Variants in LRP5 observed in about 807,000 individuals in gnomAD.
The protein encoded by LRP5 is LDL receptor related protein 5.
In LRP5, 62 loss-of-function variants were observed where a neutral mutation model predicts 154.1. The ratio of observed to expected loss-of-function variants is 0.40; its 90% CI spans 0.33 to 0.50. The LOEUF (loss-of-function observed/expected upper bound fraction) is 0.50, where lower values mean the gene tolerates loss of function less well. LRP5 is among the 20% of genes least tolerant of loss of function. The pLI, the probability that LRP5 is intolerant of heterozygous loss-of-function variation, is 0.55. For synonymous variants in LRP5, 966 were observed against 1,011.5 expected, an observed-to-expected ratio of 0.96 and a Z score of 0.85; for missense variants, 1,915 against 2,336.7, an observed-to-expected ratio of 0.82 and a Z score of 3.72.
At chr11:68,431,317 G>A (rs1247020403) in intron 17 of LRP5, among the ~76,000 whole-genome samples, 1 of 139,516 alleles carries the variant, frequency 7.2e-6, no homozygotes, top group African/African-American at 2.7e-5. Context: ...TTGGCTCACT[G>A]CAACCTCTAC....
rs573160002 is a variant in LRP5 at position 68,370,625 on chromosome 11, T to C, written c.1015+4923T>C. On this transcript the variant is annotated intron_variant, in intron 5 of 22. Coordinates refer to ENST00000294304, the MANE Select transcript of LRP5 (RefSeq NM_002335.4). The stretch of plus-strand genomic sequence containing the variant: ...CAGGGCTGAGCACGCAGCTCCACGC[T>C]CCCTAGAGACTCAGCCGTCAGGGGT... 9.4e-4 allele frequency among the ~76,000 whole-genome samples: 143 copies of C among 152,300 alleles called. No homozygotes were observed. In the Middle Eastern group the frequency reaches 0.021, roughly 22 times the overall value.
intron 1 of LRP5, among the ~76,000 whole-genome samples, chr11:68,330,480 T>A (rs887873968): frequency 2.0e-5 from 3 of 152,072 alleles, no homozygotes; most frequent in African/African-American, 7.2e-5. Flanking sequence ...GGATGTTCCC[T>A]CCTCTTGCTG....
At chr11:68,332,960 T>C (rs983146233) in intron 1 of LRP5, among the ~76,000 whole-genome samples, 2 of 152,180 alleles carry the variant, frequency 1.3e-5, no homozygotes, top group Admixed American at 1.3e-4. Context: ...ATGTGCTTGG[T>C]TAAAGGAAAC....
Position 68,406,818 on chromosome 11 carries a change from C to T in LRP5, c.2091+5C>T, listed in dbSNP as rs202064462. 4.7e-5 allele frequency: 76 copies of T among 1,613,500 alleles called. No homozygotes were observed. The African/African-American group carries it at 9.2e-4, about 20-fold the overall frequency. The stretch of plus-strand genomic sequence containing the variant: ...TGGACAGACGTCAGCCTGAAGGTAG[C>T]GTGGGCCAGAACGTGCACACAGGCA... On this transcript the variant is annotated splice_donor_5th_base_variant and intron_variant, in intron 9 of 22. Transcript: ENST00000294304.
chr11:68,410,845 G>A (rs1277333423), intron 10 of LRP5, among the ~76,000 whole-genome samples: 2 of 152,212 alleles, frequency 1.3e-5, no homozygotes, highest in Non-Finnish European at 2.9e-5. Flanking sequence ...CCTGTCGCCT[G>A]TTCTGCTAGG....
At chr11:68,313,950 G>A (rs2098590945) in intron 1 of LRP5, among the ~76,000 whole-genome samples, 1 of 152,190 alleles carries the variant, frequency 6.6e-6, no homozygotes, top group Non-Finnish European at 1.5e-5. Context: ...AACAGGAGGA[G>A]CTTGGAGTTT....
Position 68,353,493 on chromosome 11 carries a change from C to T in LRP5, c.489-4157C>T, listed in dbSNP as rs1466788888. ...CTGTCACAGCGCCCGCGGCAGCAACCCCTGCTCGCCAAATACTGACTTGAA... is the reference window on the plus strand; with the variant it reads ...CTGTCACAGCGCCCGCGGCAGCAACTCCTGCTCGCCAAATACTGACTTGAA... On this transcript the variant is annotated intron_variant, in intron 2 of 22. Coordinates refer to ENST00000294304, the MANE Select transcript of LRP5 (RefSeq NM_002335.4). The surrounding 1 kb of genome is among the most constrained non-coding windows in gnomAD (Gnocchi z 4.5). Among the ~76,000 whole-genome samples the T allele has an allele frequency of 6.6e-6, 1 of 152,182 alleles. No homozygotes were observed. The highest frequency in any genetic ancestry group is 1.5e-5 in the Non-Finnish European group (1 of 68,016).
intron 3 of LRP5, among the ~76,000 whole-genome samples, chr11:68,362,357 C>T (rs1434543679): frequency 8.5e-5 from 13 of 152,110 alleles, no homozygotes; most frequent in Admixed American, 7.9e-4. Context: ...CACCGCCTTG[C>T]GAATGCACTA....
chr11:68,305,507 A>G, the LRP5 span, among the ~76,000 whole-genome samples: 41 of 152,232 alleles, frequency 2.7e-4, 1 homozygote, highest in South Asian at 8.1e-3. Flanking sequence ...CAGTGGCACA[A>G]TCTTGGCTCA....
intron 2 of LRP5, 59 bp from the exon 3 acceptor site, chr11:68,357,591 A>G: frequency 6.7e-7 from 1 of 1,496,946 alleles, no homozygotes; most frequent in South Asian, 1.2e-5. Flanking sequence ...GCATCTATGC[A>G]GACAAAAACA....
intron 21 of LRP5, among the ~76,000 whole-genome samples, chr11:68,443,548 T>C (rs545705319): frequency 1.6e-4 from 4 of 25,626 alleles, no homozygotes; most frequent in African/African-American, 4.6e-4. Flanking sequence ...TTATGGCATA[T>C]ATATATATAT....
Position 68,411,522 on chromosome 11 carries a change from AG to A in LRP5, c.2407del (p.Val803TrpfsTer25). ...ACCAACTGCATGACGCTGGTGGACAAGGTGGGCCGGGCCAACGACCTCACCA... is the reference window on the plus strand; with the variant it reads ...ACCAACTGCATGACGCTGGTGGACAAGTGGGCCGGGCCAACGACCTCACCA... ...DGTNCMTLVD[K>X]VGRANDLTID... On this transcript the variant is annotated frameshift_variant, in exon 11 of 23. Transcript: ENST00000294304. LOFTEE classifies it high-confidence loss of function. 6.2e-7 allele frequency: 1 copy of A among 1,613,798 alleles called. No homozygotes were observed. Among genetic ancestry groups the A allele is most frequent in the Non-Finnish European group, 8.5e-7 (1 of 1,180,030 alleles).
At chr11:68,446,250 C>T (rs1378209129) in intron 21 of LRP5, among the ~76,000 whole-genome samples, 186 bp from the exon 22 acceptor site, 2 of 152,220 alleles carry the variant, frequency 1.3e-5, no homozygotes, top group African/African-American at 4.8e-5. Context: ...CTGAGATGAC[C>T]TTCGGGGCAG....
intron 8 of LRP5, among the ~76,000 whole-genome samples, chr11:68,404,946 C>T (rs2098654703): frequency 4.1e-5 from 6 of 145,588 alleles, no homozygotes; most frequent in Admixed American, 2.8e-4. Context: ...GTCCGCAGTC[C>T]GGCCTGGGCG....
chr11:68,378,876 C>T (rs2098638845), intron 5 of LRP5, among the ~76,000 whole-genome samples: 2 of 151,894 alleles, frequency 1.3e-5, no homozygotes, highest in African/African-American at 2.4e-5. Context: ...GGCGAAACTC[C>T]ATCTCTACTA....
At chr11:68,299,687 A>T in the LRP5 span, among the ~76,000 whole-genome samples, 1 of 149,082 alleles carries the variant, frequency 6.7e-6, no homozygotes, top group African/African-American at 2.5e-5. Flanking sequence ...GGTTCAAGCG[A>T]TTCTCCTGCC....
chr11:68,443,931 T>C (rs1378547112), intron 21 of LRP5, among the ~76,000 whole-genome samples: 1 of 151,586 alleles, frequency 6.6e-6, no homozygotes, highest in African/African-American at 2.4e-5. Flanking sequence ...AGTGCTGGGA[T>C]TACAGACGTG....
chr11:68,446,586 G>A lies in LRP5; in HGVS notation c.4586+53G>A, dbSNP rs575260996. ...GCCATTGGGTTCCCGCCAGCCCGTGGTGGAGGGGCCTAATCCCCATGCCAC... is the reference window on the plus strand; with the variant it reads ...GCCATTGGGTTCCCGCCAGCCCGTGATGGAGGGGCCTAATCCCCATGCCAC... On this transcript the variant is annotated intron_variant, in intron 22 of 22. Coordinates refer to ENST00000294304, the MANE Select transcript of LRP5 (RefSeq NM_002335.4). 4 of 1,463,934 alleles carry A rather than the reference G, an allele frequency of 2.7e-6. No homozygotes were observed. The East Asian group carries it at 6.8e-5, about 25-fold the overall frequency. The allele number at this position is 1,463,934 out of a possible 1,614,324, so 90.7% of individuals were successfully genotyped here. A position where few individuals can be genotyped will look rare whatever the true frequency, so the allele number is the denominator to read the frequency against.
chr11:68,365,270 T>C (rs374859056), intron 4 of LRP5, among the ~76,000 whole-genome samples: 3,233 of 7,550 alleles, frequency 0.43, 82 homozygotes, highest in Middle Eastern at 0.5. Flanking sequence ...AGGAAGCAGA[T>C]GGGGAGATGT....
Sources: gnomAD v4.1 joint callset for allele counts (sites outside exome capture counted in the v4.1 genomes callset) on GRCh38, gnomAD v4.1.1 for gene constraint, Gnocchi (gnomAD v3.1) non-coding constraint, MANE v1.5 for transcripts, NCBI Gene and HGNC (gene_info 2026-07-23, HGNC 2026-07-21) for gene names.